The following ZPR1 variants were observed in gnomAD, a reference collection of about 807,000 sequenced individuals.
ZPR1 encodes zinc finger protein ZPR1.
ZPR1 carries 37 observed loss-of-function variants against 59.6 expected under a neutral mutation model. The observed-to-expected ratio is 0.62, with a 90% confidence interval of 0.48 to 0.82. The LOEUF (loss-of-function observed/expected upper bound fraction) is 0.82. ZPR1 is among the 40% of genes least tolerant of loss of function. The pLI is 0.00. For synonymous variants in ZPR1, 191 were observed against 215.2 expected (o/e 0.89, Z 0.99); for missense variants, 527 against 579.9 (o/e 0.91, Z 0.94).
chr11:116,787,400 C>A, intron 2 of ZPR1, 82 bp downstream of exon 2: 1 of 1,452,838 alleles, frequency 6.9e-7, no homozygotes, highest in South Asian at 1.3e-5. Context: ...TATTTAAGAT[C>A]CGACCGCCTG....
In ZPR1 at chr11:116,785,136, G is replaced by C; in HGVS notation, c.716C>G (p.Pro239Arg). Residue 239 changes from proline to arginine, a missense_variant, in exon 7 of 14, where the codon CCA becomes CGA. By Grantham distance (103) the Pro-to-Arg change is moderately radical. Coordinates refer to ENST00000227322, the MANE Select transcript of ZPR1 (RefSeq NM_003904.5). The stretch of plus-strand genomic sequence containing the variant: ...ATCTTCCTCTTCTGGCTTCTCTGCT[G>C]GTGCTTCTTCCTAAAATAGCAAAGA... Reference protein sequence around the residue: ...EEMLGLQEEAPAEKPEEEDLR... With the variant: ...EEMLGLQEEARAEKPEEEDLR... 1 of 1,613,986 alleles carries C rather than the reference G, an allele frequency of 6.2e-7. No homozygotes were observed. Among genetic ancestry groups the C allele is most frequent in the Non-Finnish European group, 8.5e-7 (1 of 1,180,022 alleles).
chr11:116,779,902 G>A (rs1201256274), intron 12 of ZPR1, 65 bp from the exon 13 acceptor site: 5 of 558,808 alleles, frequency 8.9e-6, no homozygotes, highest in African/African-American at 2.0e-5. Context: ...AGGCTATGTC[G>A]GGGGAGGGGG....
Position 116,784,395 on chromosome 11 carries a change from C to T in ZPR1, c.874G>A (p.Gly292Arg). The T allele has an allele frequency of 6.2e-7, 1 of 1,614,152 alleles. No homozygotes were observed. Among genetic ancestry groups the T allele is most frequent in the South Asian group, 1.1e-5 (1 of 91,076 alleles). Residue 292 changes from glycine to arginine, a missense_variant, in exon 9 of 14, where the codon GGG becomes AGG. Coordinates refer to ENST00000227322, the MANE Select transcript of ZPR1 (RefSeq NM_003904.5). ...CCACCCACCTCATTGGTCCGATGCC[C>T]ACAGTTCTCGCAGTTGGTAGCCATG... ...IIMATNCENCGHRTNEVKSGG... is the reference protein window; with the variant it reads ...IIMATNCENCRHRTNEVKSGG...
Position 116,778,824 on chromosome 11 carries a change from G to T in ZPR1, c.*101C>A. The T allele has an allele frequency of 6.9e-7, 1 of 1,442,132 alleles. No individual in the cohort carries two copies. The highest frequency in any genetic ancestry group is 2.1e-5 in the Admixed American group (1 of 47,576). 89.3% of individuals were successfully genotyped at this position (1,442,132 alleles called of 1,614,324 possible). A position where few individuals can be genotyped will look rare whatever the true frequency, so the allele number is the denominator to read the frequency against. On this transcript the variant is annotated 3_prime_UTR_variant, in exon 14 of 14. Transcript: ENST00000227322. ...AGATGTCCTCCCCACCATGGGCAAGGGCTGGTGGGAAAGACACTCCCAGCC... is the reference window on the plus strand; with the variant it reads ...AGATGTCCTCCCCACCATGGGCAAGTGCTGGTGGGAAAGACACTCCCAGCC...
intron 4 of ZPR1, 106 bp downstream of exon 4, chr11:116,786,405 T>C: frequency 7.9e-7 from 1 of 1,273,596 alleles, no homozygotes; most frequent in Non-Finnish European, 1.1e-6. Context: ...ACCATATGCT[T>C]ACCCAGCAAG....
chr11:116,783,657 C>A, intron 9 of ZPR1, 38 bp from the exon 10 acceptor site: 1 of 1,556,430 alleles, frequency 6.4e-7, no homozygotes, highest in South Asian at 1.1e-5. Context: ...GAGAGAAGAC[C>A]TGAGCCTCAC....
chr11:116,774,885 C>G lies in ZPR1; in HGVS notation c.*4040G>C, dbSNP rs1007714449. On this transcript the variant is annotated 3_prime_UTR_variant, in exon 14 of 14. Coordinates refer to ENST00000227322, the MANE Select transcript of ZPR1 (RefSeq NM_003904.5). Reference sequence around the variant, plus strand: ...ACTGCCAGGATAGCCCTCTGAACTTCCACCCACCCATCTTCTGCCCATTTG... The same window carrying G: ...ACTGCCAGGATAGCCCTCTGAACTTGCACCCACCCATCTTCTGCCCATTTG... The G allele has an allele frequency of 3.3e-5, 5 of 152,558 alleles. No individual in the cohort carries two copies. The highest frequency in any genetic ancestry group is 1.2e-4 in the African/African-American group (5 of 41,466). The allele number at this position is 152,558 out of a possible 1,614,324, so 9.5% of individuals were successfully genotyped here.
At chr11:116,786,666 A>C (rs1940892442) in intron 3 of ZPR1, 85 bp from the exon 4 acceptor site, 1 of 1,165,298 alleles carries the variant, frequency 8.6e-7, no homozygotes, top group Admixed American at 1.9e-5. Context: ...ATTCACTTGA[A>C]CTCTCTGGGT....
In ZPR1 at chr11:116,787,807, G is replaced by A. The variant is rs1341958645; in HGVS notation, c.171+13C>T. The stretch of plus-strand genomic sequence containing the variant: ...CTACCCACCCGCCGCTCGCGGCCGC[G>A]CCCCCGCCTCACATTGCAGTAACAG... On this transcript the variant is annotated intron_variant, in intron 1 of 13. Transcript: ENST00000227322. 9 of 1,545,600 alleles carry A rather than the reference G, an allele frequency of 5.8e-6. No individual in the cohort carries two copies. The highest frequency in any genetic ancestry group is 7.0e-6 in the Non-Finnish European group (8 of 1,145,816).
At chr11:116,786,403 C>A in intron 4 of ZPR1, 108 bp downstream of exon 4, 1 of 1,253,052 alleles carries the variant, frequency 8.0e-7, no homozygotes, top group Admixed American at 1.8e-5. Context: ...CCACCATATG[C>A]TTACCCAGCA....
At chr11:116,784,553 A>G (rs966417223) in intron 8 of ZPR1, 105 bp from the exon 9 acceptor site, 1 of 1,163,934 alleles carries the variant, frequency 8.6e-7, no homozygotes. Flanking sequence ...CCAGAACTGC[A>G]GGAAATATTC....
rs149774235 is a variant in ZPR1 at position 116,785,440 on chromosome 11, G to A, written c.705+74C>T. 218 of 1,576,162 alleles carry A rather than the reference G, an allele frequency of 1.4e-4. 1 individual carries two copies. In the East Asian group the frequency reaches 3.6e-3, roughly 26 times the overall value. ...ACACAGAGCAGCAGCAGCAAAATAA[G>A]TTCCACTGACTCCAAGCAATCCAGA... On this transcript the variant is annotated intron_variant, in intron 6 of 13. Transcript: ENST00000227322.
chr11:116,785,769 G>A (rs753488103), intron 5 of ZPR1, 27 bp downstream of exon 5: 1 of 1,613,076 alleles, frequency 6.2e-7, no homozygotes. Context: ...CCCTAATCAA[G>A]GGCAACTCCA....
chr11:116,781,880 T>C (rs1298188890), intron 12 of ZPR1, among the ~76,000 whole-genome samples: 2 of 151,532 alleles, frequency 1.3e-5, no homozygotes, highest in Non-Finnish European at 2.9e-5. Flanking sequence ...GGCGTGGTGG[T>C]GTGCGCCTGT....
chr11:116,785,970 G>A (rs774762334), intron 4 of ZPR1, 88 bp from the exon 5 acceptor site: 5 of 1,134,750 alleles, frequency 4.4e-6, no homozygotes, highest in Non-Finnish European at 6.7e-6. Context: ...CCATTAGGAA[G>A]TCACCACCTA....
At position 116,785,888 on chromosome 11, in the gene ZPR1, A is replaced by G; in HGVS notation, c.496-6T>C. 2 of 1,613,680 alleles carry G rather than the reference A, an allele frequency of 1.2e-6. No homozygotes were observed. Among genetic ancestry groups the G allele is most frequent in the Non-Finnish European group, 1.7e-6 (2 of 1,179,546 alleles). Reference sequence around the variant, plus strand: ...GCTGTAGCATCTTTGTTTGCCTGCCATGAACAGAGAGTAAAGCATCAGCCC... The same window carrying G: ...GCTGTAGCATCTTTGTTTGCCTGCCGTGAACAGAGAGTAAAGCATCAGCCC... On this transcript the variant is annotated splice_region_variant and splice_polypyrimidine_tract_variant and intron_variant, in intron 4 of 13. Coordinates refer to ENST00000227322, the MANE Select transcript of ZPR1 (RefSeq NM_003904.5).
rs36148817 is a variant in ZPR1, at chr11:116,775,627, C to CAAAAAAAAAAAAAAAAAAAAAAAAAAAA, written c.*3270_*3297dup. 2 of 72,916 alleles carry CAAAAAAAAAAAAAAAAAAAAAAAAAAAA rather than the reference C, an allele frequency of 2.7e-5. No homozygotes were observed. Among genetic ancestry groups the CAAAAAAAAAAAAAAAAAAAAAAAAAAAA allele is most frequent in the Non-Finnish European group, 2.9e-5 (1 of 34,868 alleles). 4.5% of individuals were successfully genotyped at this position (72,916 alleles called of 1,614,324 possible). Reference sequence around the variant, plus strand: ...TGGGCAACAGAGTGAGACTCCGTCTCAAAAAAAAAAAAAAAAAAAAAAAAA... The same window carrying CAAAAAAAAAAAAAAAAAAAAAAAAAAAA: ...TGGGCAACAGAGTGAGACTCCGTCTCAAAAAAAAAAAAAAAAAAAAAAAAAAAAAAAAAAAAAAAAAAAAAAAAAAAAA... On this transcript the variant is annotated 3_prime_UTR_variant, in exon 14 of 14. Coordinates refer to ENST00000227322, the MANE Select transcript of ZPR1 (RefSeq NM_003904.5).
At position 116,783,030 on chromosome 11, in the gene ZPR1, C is replaced by G; in HGVS notation, c.982-1G>C. On this transcript the variant is annotated splice_acceptor_variant, in intron 10 of 13. Transcript: ENST00000227322. LOFTEE classifies it high-confidence loss of function. The stretch of plus-strand genomic sequence containing the variant: ...GGATTTCCACACTGCAAGTCTCAGA[C>G]TGTGAAATGAGAGGTCAGTTTAAGC... The G allele has an allele frequency of 6.2e-7, 1 of 1,612,772 alleles. No homozygotes were observed. Among genetic ancestry groups the G allele is most frequent in the South Asian group, 1.1e-5 (1 of 91,058 alleles).
At chr11:116,781,666 G>C (rs1332924338) in intron 12 of ZPR1, among the ~76,000 whole-genome samples, 1 of 152,180 alleles carries the variant, frequency 6.6e-6, no homozygotes, top group Non-Finnish European at 1.5e-5. Flanking sequence ...TACTGGAGAA[G>C]ATGCTCTAAC....
Sources: gnomAD v4.1 joint callset for allele counts (sites outside exome capture counted in the v4.1 genomes callset) on GRCh38, gnomAD v4.1.1 for gene constraint, MANE v1.5 for transcripts, NCBI Gene and HGNC (gene_info 2026-07-23, HGNC 2026-07-21) for gene names.